IFNLR1: variants seen among roughly 807,000 people sequenced by gnomAD.
The protein encoded by IFNLR1 is CRF2-12.
IFNLR1 carries 28 observed loss-of-function variants against 52.5 expected under a neutral mutation model. That is an observed-to-expected ratio of 0.53 (90% confidence interval 0.40 to 0.73). The LOEUF is 0.73. Ranked by LOEUF, IFNLR1 falls within the 30% of genes least tolerant of loss-of-function variation. IFNLR1 has a pLI of 0.00. For missense variants in IFNLR1, 623 were observed against 659.1 expected (o/e 0.95, Z 0.60); for synonymous variants, 276 against 274.9 (o/e 1.00, Z -0.04).
intron 2 of IFNLR1, among the ~76,000 whole-genome samples, chr1:24,171,354 T>C (rs1644577553): frequency 6.6e-6 from 1 of 152,236 alleles, no homozygotes; most frequent in African/African-American, 2.4e-5. Flanking sequence ...TGTGAACTAT[T>C]AACAAAATAT....
intron 2 of IFNLR1, among the ~76,000 whole-genome samples, chr1:24,177,940 A>T (rs1644651210): frequency 6.6e-6 from 1 of 152,200 alleles, no homozygotes; most frequent in Admixed American, 6.5e-5. Context: ...AAGGAACTAA[A>T]TTTAGATGGG....
intron 2 of IFNLR1, among the ~76,000 whole-genome samples, chr1:24,172,554 TA>T (rs1644591886): frequency 6.6e-6 from 1 of 152,034 alleles, no homozygotes; most frequent in Admixed American, 6.6e-5. Flanking sequence ...GATGATGCCT[TA>T]AAAGAAACAG....
In IFNLR1 at chr1:24,174,955, C is replaced by G. The variant is rs530681474; in HGVS notation, c.183-5354G>C. On this transcript the variant is annotated intron_variant, in intron 2 of 6. Transcript: ENST00000327535. ...TTTGATAAAGAGATCAGAGGTGCAA[C>G]TCATAGACTTAATCAGCCATTTAAG... 1.4e-4 allele frequency among the ~76,000 whole-genome samples: 21 copies of G among 152,172 alleles called. 1 individual carries two copies. In the South Asian group the frequency reaches 4.4e-3, roughly 32 times the overall value.
intron 1 of IFNLR1, 25 bp downstream of exon 1, chr1:24,187,166 C>T: frequency 1.5e-6 from 2 of 1,360,076 alleles, no homozygotes; most frequent in African/African-American, 1.5e-5. Context: ...TCTTCCCCCT[C>T]CCTCCCGCGG....
rs1034671263 is a variant in IFNLR1, at chr1:24,167,891, G to T, written c.367+1526C>A. ...TTTTTGTATTTTTAGTAGAGTCGGG[G>T]TTTCACTGTGTTAGCCAGGATGGTC... On this transcript the variant is annotated intron_variant, in intron 3 of 6. Coordinates refer to ENST00000327535, the MANE Select transcript of IFNLR1 (RefSeq NM_170743.4). Among the ~76,000 whole-genome samples, 13 of 151,146 alleles carry T rather than the reference G, an allele frequency of 8.6e-5. No homozygotes were observed. The South Asian group carries it at 2.7e-3, about 32-fold the overall frequency.
At chr1:24,170,092 G>A (rs901851408) in intron 2 of IFNLR1, among the ~76,000 whole-genome samples, 19 of 152,296 alleles carry the variant, frequency 1.2e-4, no homozygotes, top group African/African-American at 4.3e-4. Context: ...CTTCTGCCAC[G>A]TGAGGACACA....
At chr1:24,181,692 C>G (rs755780820) in intron 1 of IFNLR1, among the ~76,000 whole-genome samples, 3 of 152,166 alleles carry the variant, frequency 2.0e-5, no homozygotes, top group Non-Finnish European at 4.4e-5. Flanking sequence ...TTTGCACCTT[C>G]CATCTCAGGA....
chr1:24,165,799 A>C (rs917205288), intron 3 of IFNLR1, among the ~76,000 whole-genome samples: 1 of 152,164 alleles, frequency 6.6e-6, no homozygotes, highest in African/African-American at 2.4e-5. Flanking sequence ...ACTAGGTATC[A>C]AGCTTCAGGA....
At chr1:24,174,264 T>C (rs1321343151) in intron 2 of IFNLR1, among the ~76,000 whole-genome samples, 14 of 152,220 alleles carry the variant, frequency 9.2e-5, no homozygotes, top group Admixed American at 9.2e-4. Flanking sequence ...TCCAGAATTT[T>C]GAGAAAATAA....
chr1:24,160,910 G>T (rs1304338463), intron 4 of IFNLR1, among the ~76,000 whole-genome samples: 9 of 151,072 alleles, frequency 6.0e-5, no homozygotes, highest in Non-Finnish European at 1.0e-4. Flanking sequence ...TTTTTGTAGG[G>T]ATAATGTTTC....
At chr1:24,162,831 T>G (rs202097710) in intron 3 of IFNLR1, among the ~76,000 whole-genome samples, 3 of 33,826 alleles carry the variant, frequency 8.9e-5, no homozygotes, top group Non-Finnish European at 1.8e-4. Flanking sequence ...TCTTTCTTTC[T>G]TTTCTTTCTT....
rs546562454 is a variant in IFNLR1, at chr1:24,160,777, A to G, written c.510+765T>C. On this transcript the variant is annotated intron_variant, in intron 4 of 6. Coordinates refer to ENST00000327535, the MANE Select transcript of IFNLR1 (RefSeq NM_170743.4). ...AAGGTCTCACTCTGTTGCCCAGACT[A>G]AAGTGCAGTGGTGCGATCATGGCTC... is the stretch of plus-strand genomic sequence containing the variant. 3.3e-5 allele frequency among the ~76,000 whole-genome samples: 5 copies of G among 152,218 alleles called. No individual in the cohort carries two copies. The South Asian group carries it at 1.0e-3, about 32-fold the overall frequency.
At position 24,159,555 on chromosome 1, in the gene IFNLR1, T is replaced by G. The variant is rs1399720002; in HGVS notation, c.589A>C (p.Ser197Arg). 6 of 1,613,752 alleles carry G rather than the reference T, an allele frequency of 3.7e-6. No individual in the cohort carries two copies. The highest frequency in any genetic ancestry group is 5.1e-6 in the Non-Finnish European group (6 of 1,179,934). Reference sequence around the variant, plus strand: ...CTGAACGTGTAGATGGTTCTGGCACTGAGGCAGTGGTGTTCGCTGGCAGCT... The same window carrying G: ...CTGAACGTGTAGATGGTTCTGGCACGGAGGCAGTGGTGTTCGCTGGCAGCT... Reference protein sequence around the residue: ...QPAASEHHCLSARTIYTFSVP... With the variant: ...QPAASEHHCLRARTIYTFSVP... Residue 197 changes from serine to arginine, a missense_variant, in exon 5 of 7, where the codon AGT becomes CGT. Coordinates refer to ENST00000327535, the MANE Select transcript of IFNLR1 (RefSeq NM_170743.4).
chr1:24,159,339 C>T, intron 5 of IFNLR1, 135 bp downstream of exon 5: 1 of 1,231,556 alleles, frequency 8.1e-7, no homozygotes. Flanking sequence ...ATTATGTAAG[C>T]TGCCCAAAGA....
rs754939969 is a variant in IFNLR1 at position 24,162,962 on chromosome 1, CT to C, written c.368-1279del. Among the ~76,000 whole-genome samples the C allele has an allele frequency of 2.2e-3, 195 of 89,398 alleles. 1 individual carries two copies. In the East Asian group the frequency reaches 0.036, roughly 17 times the overall value. 58.6% of individuals were successfully genotyped at this position (89,398 alleles called of 152,430 possible). A position where few individuals can be genotyped will look rare whatever the true frequency, so the allele number is the denominator to read the frequency against. On this transcript the variant is annotated intron_variant, in intron 3 of 6. Transcript: ENST00000327535. ...TCTCTTTCTTTCTTCTTTCTTTCCT[CT>C]TTTTTTTTTTTTTTTGAGACAGAGT...
At chr1:24,168,072 T>C (rs1288706585) in intron 3 of IFNLR1, among the ~76,000 whole-genome samples, 3 of 151,998 alleles carry the variant, frequency 2.0e-5, no homozygotes, top group Non-Finnish European at 4.4e-5. Flanking sequence ...ATACTTCCTA[T>C]CCTCCATCTC....
rs969829429 is a variant in IFNLR1, at chr1:24,156,836, C to T, written c.*294G>A. Reference sequence around the variant, plus strand: ...ATGTTGTCCGGGGATAATTTTTCCCCCTGGCCTGTCACCCTAGGGACAATG... The same window carrying T: ...ATGTTGTCCGGGGATAATTTTTCCCTCTGGCCTGTCACCCTAGGGACAATG... On this transcript the variant is annotated 3_prime_UTR_variant, in exon 7 of 7. Coordinates refer to ENST00000327535, the MANE Select transcript of IFNLR1 (RefSeq NM_170743.4). The T allele has an allele frequency of 9.3e-6, 4 of 430,538 alleles. No homozygotes were observed. The highest frequency in any genetic ancestry group is 4.1e-5 in the East Asian group (1 of 24,492). 26.7% of individuals were successfully genotyped at this position (430,538 alleles called of 1,614,324 possible). A position where few individuals can be genotyped will look rare whatever the true frequency, so the allele number is the denominator to read the frequency against.
chr1:24,185,316 C>A (rs568171542), intron 1 of IFNLR1, among the ~76,000 whole-genome samples: 7 of 152,226 alleles, frequency 4.6e-5, no homozygotes, highest in African/African-American at 1.7e-4. Flanking sequence ...TTTATGATTC[C>A]AACTATTCCA....
intron 2 of IFNLR1, among the ~76,000 whole-genome samples, chr1:24,177,388 G>A (rs1393379542): frequency 1.3e-5 from 2 of 152,180 alleles, no homozygotes; most frequent in Non-Finnish European, 2.9e-5. Flanking sequence ...CCAAAGATCC[G>A]AGAGCCCCCA....
Sources: gnomAD v4.1 joint callset for allele counts (sites outside exome capture counted in the v4.1 genomes callset) on GRCh38, gnomAD v4.1.1 for gene constraint, MANE v1.5 for transcripts, NCBI Gene and HGNC (gene_info 2026-07-23, HGNC 2026-07-21) for gene names.